The following CDH18 variants were observed in gnomAD, a reference collection of about 807,000 sequenced individuals.
CDH18 encodes cadherin 18.
Under a neutral mutation model 67.9 loss-of-function variants are expected in CDH18, and 31 were observed. That is an observed-to-expected ratio of 0.46 (90% CI 0.34 to 0.62). The LOEUF (loss-of-function observed/expected upper bound fraction) is 0.62, where lower values mean the gene tolerates loss of function less well. CDH18 is among the 20% of genes least tolerant of loss of function. The pLI is 0.01. For synonymous variants in CDH18, 362 were observed against 347.2 expected, an observed-to-expected ratio of 1.04 and a Z score of -0.48; for missense variants, 890 against 975.5, an observed-to-expected ratio of 0.91 and a Z score of 1.17.
At chr5:20,074,823 T>C (rs1407371192) in intron 2 of CDH18, among the ~76,000 whole-genome samples, 1 of 152,116 alleles carries the variant, frequency 6.6e-6, no homozygotes, top group Non-Finnish European at 1.5e-5. Flanking sequence ...CTAGAGTTCT[T>C]TGGGCATTAA....
At chr5:20,142,570 ACT>A in intron 2 of CDH18, among the ~76,000 whole-genome samples, 1 of 150,418 alleles carries the variant, frequency 6.6e-6, no homozygotes, top group East Asian at 2.0e-4. Context: ...ACAGAGAGAG[ACT>A]CTGCCTCAGA....
chr5:19,908,005 A>G (rs1790710887), intron 2 of CDH18, among the ~76,000 whole-genome samples: 1 of 152,108 alleles, frequency 6.6e-6, no homozygotes, highest in Non-Finnish European at 1.5e-5. Flanking sequence ...TAACTAATGT[A>G]TAATTTCCCT....
intron 2 of CDH18, among the ~76,000 whole-genome samples, chr5:20,112,330 T>A (rs994689967): frequency 1.1e-4 from 17 of 152,216 alleles, no homozygotes; most frequent in Non-Finnish European, 1.5e-5. Context: ...TATTTCTTGA[T>A]TATGAATTTT....
chr5:20,053,253 G>A lies in CDH18; in HGVS notation c.-517-61239C>T, dbSNP rs140195881. 2.3e-3 allele frequency among the ~76,000 whole-genome samples: 344 copies of A among 150,762 alleles called. 1 individual carries two copies. The highest frequency in any genetic ancestry group is 7.4e-3 in the African/African-American group (303 of 41,088). On this transcript the variant is annotated intron_variant, in intron 2 of 14. Transcript: ENST00000507958. ...ATGATACATAAATATATATCATACA[G>A]TCCATATATACATATAGTATAGATA...
chr5:19,558,675 A>G (rs1738888655), intron 8 of CDH18, among the ~76,000 whole-genome samples: 1 of 151,972 alleles, frequency 6.6e-6, no homozygotes, highest in African/African-American at 2.4e-5. Flanking sequence ...CAACAAAAAA[A>G]AGTCCAGGAC....
At chr5:19,970,171 C>G (rs1436893113) in intron 2 of CDH18, among the ~76,000 whole-genome samples, 1 of 151,266 alleles carries the variant, frequency 6.6e-6, no homozygotes, top group Non-Finnish European at 1.5e-5. Context: ...ATAAAAAAGG[C>G]TCAGAATGAA....
chr5:20,072,075 T>G (rs1186637608), intron 2 of CDH18, among the ~76,000 whole-genome samples: 1 of 152,064 alleles, frequency 6.6e-6, no homozygotes, highest in East Asian at 1.9e-4. Context: ...CAGGTTAAAA[T>G]TCTCACAACT....
At chr5:19,808,929 A>T (rs1240688157) in intron 3 of CDH18, among the ~76,000 whole-genome samples, 2 of 151,760 alleles carry the variant, frequency 1.3e-5, no homozygotes, top group Admixed American at 6.6e-5. Context: ...TTTCTACATT[A>T]TATTTGGGAA....
At chr5:19,594,019 G>C (rs901247514) in intron 6 of CDH18, among the ~76,000 whole-genome samples, 3 of 151,952 alleles carry the variant, frequency 2.0e-5, no homozygotes, top group Middle Eastern at 6.8e-3. Flanking sequence ...TTTCTTTTAA[G>C]AGTTGTGCAG....
chr5:19,573,436 G>A (rs1238234612), intron 7 of CDH18, among the ~76,000 whole-genome samples: 1 of 151,954 alleles, frequency 6.6e-6, no homozygotes, highest in Non-Finnish European at 1.5e-5. Context: ...CTGCCGCCAC[G>A]CCCGGCTAAT....
At chr5:20,532,003 AT>A (rs1161309804) in intron 1 of CDH18, among the ~76,000 whole-genome samples, 3 of 152,112 alleles carry the variant, frequency 2.0e-5, no homozygotes, top group Non-Finnish European at 4.4e-5. Context: ...GTATTTATAT[AT>A]GTGTGTATGT....
intron 2 of CDH18, among the ~76,000 whole-genome samples, chr5:19,915,178 T>C (rs570040309): frequency 1.3e-5 from 2 of 152,280 alleles, no homozygotes; most frequent in South Asian, 4.1e-4. Context: ...CTTTAGAGAC[T>C]CTTCTACTAA....
intron 1 of CDH18, among the ~76,000 whole-genome samples, chr5:20,405,217 T>C (rs1339986278): frequency 1.3e-5 from 2 of 152,136 alleles, no homozygotes; most frequent in Admixed American, 6.6e-5. Flanking sequence ...CAAAACAGCA[T>C]GGTACTGGTA....
At chr5:19,562,578 C>T (rs1049509795) in intron 8 of CDH18, among the ~76,000 whole-genome samples, 2 of 152,056 alleles carry the variant, frequency 1.3e-5, no homozygotes, top group African/African-American at 4.8e-5. Context: ...ACTTTGCATC[C>T]ATTTCTTTAA....
chr5:20,279,950 A>AAGTAT (rs1419349431), intron 1 of CDH18, among the ~76,000 whole-genome samples: 3 of 151,918 alleles, frequency 2.0e-5, no homozygotes, highest in Admixed American at 2.0e-4. Flanking sequence ...GATAACTCTC[A>AAGTAT]AGTATAGTCC....
At chr5:20,422,937 A>G (rs1336098188) in intron 1 of CDH18, among the ~76,000 whole-genome samples, 2 of 151,134 alleles carry the variant, frequency 1.3e-5, no homozygotes, top group Admixed American at 6.6e-5. Flanking sequence ...TTTCAAAGTT[A>G]CTACATGGCA....
intron 1 of CDH18, among the ~76,000 whole-genome samples, chr5:20,407,497 G>GAA (rs72455204): frequency 0.052 from 7,229 of 137,744 alleles, 501 homozygotes; most frequent in African/African-American, 0.16. Flanking sequence ...CACCAATGAG[G>GAA]AAAAAAAAAA....
chr5:20,008,084 C>T (rs145464651), intron 2 of CDH18, among the ~76,000 whole-genome samples: 28 of 152,074 alleles, frequency 1.8e-4, no homozygotes, highest in Non-Finnish European at 3.4e-4. Flanking sequence ...AGGCCAACCT[C>T]GATCAATTTT....
Position 20,190,122 on chromosome 5 carries a change from C to T in CDH18, c.-518+65322G>A, listed in dbSNP as rs547322074. Among the ~76,000 whole-genome samples the T allele has an allele frequency of 2.6e-5, 4 of 152,262 alleles. No homozygotes were observed. In the East Asian group the frequency reaches 7.8e-4, roughly 30 times the overall value. ...CTCTGGGTCTGCCTTCCTGAGTTAG[C>T]TCAGAGGCACCAGCAACAAGGCAGG... is the stretch of plus-strand genomic sequence containing the variant. On this transcript the variant is annotated intron_variant, in intron 2 of 14. Transcript: ENST00000507958.
Sources: allele counts gnomAD v4.1 joint callset (sites outside exome capture counted in the v4.1 genomes callset), GRCh38; gene constraint gnomAD v4.1.1; transcripts MANE v1.5; gene names NCBI Gene and HGNC (gene_info 2026-07-23, HGNC 2026-07-21).